RBFOX1: variants seen among roughly 807,000 people sequenced by gnomAD.
RBFOX1 encodes RNA binding protein fox-1 homolog 1.
A neutral mutation model predicts 57.7 loss-of-function variants in RBFOX1; 8 were observed. The ratio of observed to expected loss-of-function variants is 0.14; its 90% confidence interval spans 0.08 to 0.25. RBFOX1 has a LOEUF of 0.25. RBFOX1 is among the 10% of genes least tolerant of loss of function. The pLI is 1.00. For synonymous variants in RBFOX1, 326 were observed against 222.4 expected, an observed-to-expected ratio of 1.47 and a Z score of -4.15; for missense variants, 611 against 548.5, an observed-to-expected ratio of 1.11 and a Z score of -1.14.
intron 3 of RBFOX1, among the ~76,000 whole-genome samples, chr16:6,798,540 C>T (rs915039789): frequency 3.3e-5 from 5 of 152,074 alleles, no homozygotes; most frequent in Admixed American, 1.3e-4. Context: ...AGATAACACC[C>T]CCAATTCTAA....
intron 3 of RBFOX1, among the ~76,000 whole-genome samples, chr16:7,016,362 T>C (rs1403778380): frequency 6.6e-6 from 1 of 152,122 alleles, no homozygotes; most frequent in Non-Finnish European, 1.5e-5. Flanking sequence ...CCTATAGAGT[T>C]GAGTTTTAGA....
intron 3 of RBFOX1, among the ~76,000 whole-genome samples, chr16:6,767,950 GAA>G (rs1491279801): frequency 9.5e-6 from 1 of 105,246 alleles, no homozygotes; most frequent in South Asian, 3.0e-4. Context: ...ATAATAATAA[GAA>G]GAAGAAGAAG....
chr16:7,144,446 G>T (rs1224108130), intron 4 of RBFOX1, among the ~76,000 whole-genome samples: 52 of 41,594 alleles, frequency 1.3e-3, no homozygotes, highest in African/African-American at 3.5e-3. Context: ...TTTGAGTCAG[G>T]GCCCCTCTGT....
At chr16:7,604,725 C>T (rs999811516) in intron 9 of RBFOX1, among the ~76,000 whole-genome samples, 14 of 152,070 alleles carry the variant, frequency 9.2e-5, no homozygotes, top group African/African-American at 3.4e-4. Flanking sequence ...TTGCTTTGTT[C>T]TTAGAAAATG....
chr16:5,571,824 A>G (rs1289717584), intron 2 of RBFOX1, among the ~76,000 whole-genome samples: 1 of 152,118 alleles, frequency 6.6e-6, no homozygotes. Flanking sequence ...TCTTCCAAAT[A>G]TAGTCTTTTG....
Position 6,937,368 on chromosome 16 carries a change from G to A in RBFOX1, c.-15-114689G>A, listed in dbSNP as rs374342673. 1.7e-4 allele frequency among the ~76,000 whole-genome samples: 26 copies of A among 152,082 alleles called. No homozygotes were observed. In the South Asian group the frequency reaches 4.0e-3, roughly 23 times the overall value. On this transcript the variant is annotated intron_variant, in intron 3 of 15. Coordinates refer to ENST00000550418, the MANE Select transcript of RBFOX1 (RefSeq NM_018723.4). ...TCTTTTGAAGTAGATACTTTTCTTT[G>A]TTGGTATTTTAGGAAAGTCTTATTA...
intron 3 of RBFOX1, among the ~76,000 whole-genome samples, chr16:7,011,856 A>G (rs2093669181): frequency 6.6e-6 from 1 of 152,166 alleles, no homozygotes. Context: ...GAGAAATGGG[A>G]AGGAGTGGGA....
intron 2 of RBFOX1, among the ~76,000 whole-genome samples, chr16:6,490,404 G>C (rs757865468): frequency 6.6e-6 from 1 of 152,160 alleles, no homozygotes; most frequent in African/African-American, 2.4e-5. Flanking sequence ...GAATATGTAT[G>C]GGTTTGTACT....
At chr16:6,506,418 G>A (rs551062250) in intron 2 of RBFOX1, among the ~76,000 whole-genome samples, 2 of 152,104 alleles carry the variant, frequency 1.3e-5, no homozygotes, top group African/African-American at 2.4e-5. Context: ...GGCTTAGTTG[G>A]AGAAACAAAA....
At chr16:7,089,885 T>A (rs147926381) in intron 4 of RBFOX1, among the ~76,000 whole-genome samples, 60 of 145,444 alleles carry the variant, frequency 4.1e-4, no homozygotes, top group African/African-American at 1.5e-3. Flanking sequence ...TCTGTTTACA[T>A]CTTTAATTCA....
chr16:5,519,203 C>A (rs1348456887), intron 2 of RBFOX1, among the ~76,000 whole-genome samples: 3 of 152,166 alleles, frequency 2.0e-5, no homozygotes, highest in Admixed American at 1.3e-4. Context: ...GTGGTGGCAA[C>A]CCTAGCAAAG....
chr16:6,784,908 A>G (rs765408768), intron 3 of RBFOX1, among the ~76,000 whole-genome samples: 11 of 151,950 alleles, frequency 7.2e-5, no homozygotes, highest in Admixed American at 2.0e-4. Flanking sequence ...GTCACCAAGC[A>G]CTCTTCTAAG....
chr16:7,551,495 T>A (rs1374494953), intron 5 of RBFOX1, among the ~76,000 whole-genome samples: 1 of 152,186 alleles, frequency 6.6e-6, no homozygotes, highest in Non-Finnish European at 1.5e-5. Context: ...ACAGTAGTGA[T>A]CCAGTCAGCC....
At chr16:5,889,204 G>T (rs536347814) in intron 4 of RBFOX1, among the ~76,000 whole-genome samples, 1 of 152,126 alleles carries the variant, frequency 6.6e-6, no homozygotes, top group South Asian at 2.1e-4. Flanking sequence ...AATAAGGCCA[G>T]CATCCATTAA....
intron 1 of RBFOX1, among the ~76,000 whole-genome samples, chr16:5,359,014 G>C (rs548072750): frequency 6.6e-6 from 1 of 152,144 alleles, no homozygotes; most frequent in African/African-American, 2.4e-5. Context: ...GTTTCCATGA[G>C]TTCAATTGTT....
chr16:6,266,255 T>C (rs535679019), intron 1 of RBFOX1, among the ~76,000 whole-genome samples: 2 of 152,180 alleles, frequency 1.3e-5, no homozygotes, highest in Non-Finnish European at 2.9e-5. Context: ...CATAGCCTAG[T>C]GAGAAATAAA....
chr16:7,527,980 C>G (rs530456356), intron 5 of RBFOX1, among the ~76,000 whole-genome samples: 1 of 152,292 alleles, frequency 6.6e-6, no homozygotes, highest in Admixed American at 6.5e-5. Context: ...GATTTATAGA[C>G]AAATGGTTTT....
intron 2 of RBFOX1, among the ~76,000 whole-genome samples, chr16:6,625,997 T>A (rs2098299445): frequency 6.6e-6 from 1 of 152,174 alleles, no homozygotes; most frequent in African/African-American, 2.4e-5. Flanking sequence ...AAAATTGATT[T>A]ATGTGCAATC....
At position 7,297,860 on chromosome 16, in the gene RBFOX1, G is replaced by A. The variant is rs1207961176; in HGVS notation, c.28-220287G>A. On this transcript the variant is annotated intron_variant, in intron 4 of 15. Coordinates refer to ENST00000550418, the MANE Select transcript of RBFOX1 (RefSeq NM_018723.4). ...CTCCTCTATTACCCTAGATCTAAAA[G>A]CATTTATTGGATTGATTTATTTGTT... is the stretch of plus-strand genomic sequence containing the variant. Among the ~76,000 whole-genome samples the A allele has an allele frequency of 2.0e-5, 3 of 150,788 alleles. No homozygotes were observed. The East Asian group carries it at 5.8e-4, about 29-fold the overall frequency.
Sources: gnomAD v4.1 joint callset for allele counts (sites outside exome capture counted in the v4.1 genomes callset) on GRCh38, gnomAD v4.1.1 for gene constraint, MANE v1.5 for transcripts, NCBI Gene and HGNC (gene_info 2026-07-23, HGNC 2026-07-21) for gene names.